Variants in PLA2R1 observed in about 807,000 individuals in gnomAD.
The protein encoded by PLA2R1 is phospholipase A2 receptor 1.
In PLA2R1, 158 loss-of-function variants were observed where a neutral mutation model predicts 195.9. That is an observed-to-expected ratio of 0.81 (90% CI 0.71 to 0.92). The LOEUF (loss-of-function observed/expected upper bound fraction) is 0.92, where lower values mean the gene tolerates loss of function less well. Among genes scored for constraint, PLA2R1 ranks in the 40% least tolerant of loss-of-function variants. The pLI, the probability that PLA2R1 is intolerant of heterozygous loss-of-function variation, is 0.00. For synonymous variants in PLA2R1, 586 were observed against 598.2 expected (o/e 0.98, Z 0.30); for missense variants, 1,626 against 1,764.6 (o/e 0.92, Z 1.41).
chr2:159,976,162 A>C lies in PLA2R1; in HGVS notation c.2501T>G (p.Leu834Trp), dbSNP rs199880926. The C allele has an allele frequency of 2.4e-5, 39 of 1,611,814 alleles. No homozygotes were observed. The highest frequency in any genetic ancestry group is 3.2e-5 in the Non-Finnish European group (38 of 1,178,164). ...YLFHTFASEW[L>W]NFEFVCSWLH... ...CCAGCTACAGACAAACTCAAAGTTC[A>C]ACCATTCTGAGGCAAAGGTATGAAA... The change falls in exon 17 of 30, where the codon TTG (leucine) becomes TGG (tryptophan). Residue 834 changes from leucine (L) to tryptophan (W), a missense_variant. Physicochemically the swap from Leu to Trp is moderately conservative, Grantham distance 61. Transcript: ENST00000283243.
intron 10 of PLA2R1, among the ~76,000 whole-genome samples, chr2:160,007,264 C>A (rs1424160808): frequency 6.6e-6 from 1 of 152,226 alleles, no homozygotes; most frequent in Admixed American, 6.5e-5. Flanking sequence ...TCTATCTCCT[C>A]TGAGGCAGAG....
chr2:160,042,575 C>A (rs1694587239), intron 2 of PLA2R1, among the ~76,000 whole-genome samples: 1 of 152,068 alleles, frequency 6.6e-6, no homozygotes, highest in African/African-American at 2.4e-5. Context: ...GATTCATAGG[C>A]ATTTATTAAT....
At chr2:160,040,501 C>T (rs943646000) in intron 3 of PLA2R1, among the ~76,000 whole-genome samples, 1 of 152,074 alleles carries the variant, frequency 6.6e-6, no homozygotes, top group African/African-American at 2.4e-5. Flanking sequence ...TTATCTGCAC[C>T]GGGGTCACCT....
intron 14 of PLA2R1, among the ~76,000 whole-genome samples, chr2:159,979,267 C>A (rs1006434755): frequency 1.3e-5 from 2 of 152,030 alleles, no homozygotes; most frequent in African/African-American, 2.4e-5. Context: ...GAAAAAAATA[C>A]AATAGTGAGT....
chr2:160,051,757 T>C (rs561704191), intron 1 of PLA2R1, among the ~76,000 whole-genome samples: 1 of 152,340 alleles, frequency 6.6e-6, no homozygotes, highest in South Asian at 2.1e-4. Flanking sequence ...GAATTTCTCA[T>C]GCTTGCAGCA....
In PLA2R1 at chr2:159,935,591, C is replaced by T. The variant is rs567472099; in HGVS notation, c.*6187G>A. ...CTGGAGAGCTCCTTCAGGTTGGTTC[C>T]TGTAGCCTTCAGACATGTGCCATCT... On this transcript the variant is annotated 3_prime_UTR_variant, in exon 30 of 30. Transcript: ENST00000283243. 1 of 152,306 alleles carries T rather than the reference C, an allele frequency of 6.6e-6. No homozygotes were observed. The highest frequency in any genetic ancestry group is 2.1e-4 in the South Asian group (1 of 4,828). 9.4% of individuals were successfully genotyped at this position (152,306 alleles called of 1,614,324 possible).
chr2:160,044,556 G>A (rs898486594), intron 2 of PLA2R1, among the ~76,000 whole-genome samples: 2 of 152,036 alleles, frequency 1.3e-5, no homozygotes, highest in Non-Finnish European at 2.9e-5. Context: ...TTTAAATTCT[G>A]AGAAGTTCTG....
At position 159,947,056 on chromosome 2, in the gene PLA2R1, A is replaced by T. The variant is rs1028881944; in HGVS notation, c.3851-139T>A. 1.7e-4 allele frequency: 103 copies of T among 620,116 alleles called. 3 individuals carry two copies. Among genetic ancestry groups the T allele is most frequent in the South Asian group, 1.4e-3 (62 of 43,604 alleles). The allele number at this position is 620,116 out of a possible 1,614,324, so 38.4% of individuals were successfully genotyped here. A position where few individuals can be genotyped will look rare whatever the true frequency, so the allele number is the denominator to read the frequency against. On this transcript the variant is annotated intron_variant, in intron 26 of 29. Coordinates refer to ENST00000283243, the MANE Select transcript of PLA2R1 (RefSeq NM_007366.5). ...CATTATAAAGAAGAGACTTTAAATT[A>T]AAAAAGTAAAACCACATTTTTTAAA...
rs985985929 is a variant in PLA2R1, at chr2:159,936,445, C to T, written c.*5333G>A. On this transcript the variant is annotated 3_prime_UTR_variant, in exon 30 of 30. Transcript: ENST00000283243. Reference sequence around the variant, plus strand: ...GGATCTGTTAATGAAATGGATATATCATAGATAAAAATTAATTAGTATTAA... The same window carrying T: ...GGATCTGTTAATGAAATGGATATATTATAGATAAAAATTAATTAGTATTAA... 6.6e-6 allele frequency: 1 copy of T among 152,062 alleles called. No individual in the cohort carries two copies. The highest frequency in any genetic ancestry group is 2.4e-5 in the African/African-American group (1 of 41,386). 9.4% of individuals were successfully genotyped at this position (152,062 alleles called of 1,614,324 possible). A position where few individuals can be genotyped will look rare whatever the true frequency, so the allele number is the denominator to read the frequency against.
intron 18 of PLA2R1, among the ~76,000 whole-genome samples, 199 bp from the exon 19 acceptor site, chr2:159,969,558 T>C (rs1239986493): frequency 2.6e-5 from 4 of 152,204 alleles, no homozygotes; most frequent in African/African-American, 9.6e-5. Flanking sequence ...GTAGATTTTT[T>C]TTGAGATGGA....
At chr2:160,043,161 G>A (rs1050161905) in intron 2 of PLA2R1, among the ~76,000 whole-genome samples, 1 of 152,106 alleles carries the variant, frequency 6.6e-6, no homozygotes, top group South Asian at 2.1e-4. Context: ...GCGGGCTTTG[G>A]CCTCTACCCT....
At chr2:159,997,998 C>T (rs1270218050) in intron 11 of PLA2R1, among the ~76,000 whole-genome samples, 6 of 152,062 alleles carry the variant, frequency 3.9e-5, no homozygotes, top group Non-Finnish European at 8.8e-5. Context: ...TTTCTAATAT[C>T]AGGAGGTCTA....
At chr2:160,014,326 A>G (rs1229602350) in intron 9 of PLA2R1, among the ~76,000 whole-genome samples, 1 of 151,490 alleles carries the variant, frequency 6.6e-6, no homozygotes, top group African/African-American at 2.4e-5. Context: ...GACAAAAATG[A>G]CAAACATGTA....
Position 159,998,820 on chromosome 2 carries a change from C to T in PLA2R1, c.1834+6832G>A, listed in dbSNP as rs111340541. On this transcript the variant is annotated intron_variant, in intron 11 of 29. Transcript: ENST00000283243. Reference sequence around the variant, plus strand: ...GACATTTTCAATCCCAGGTGAAAGGCCACTTCCTCTTGAACTTTTATGATA... The same window carrying T: ...GACATTTTCAATCCCAGGTGAAAGGTCACTTCCTCTTGAACTTTTATGATA... 5.7e-3 allele frequency among the ~76,000 whole-genome samples: 865 copies of T among 152,238 alleles called. 6 individuals carry two copies. The highest frequency in any genetic ancestry group is 8.9e-3 in the Non-Finnish European group (607 of 68,002).
intron 11 of PLA2R1, among the ~76,000 whole-genome samples, chr2:159,993,883 T>C (rs73967974): frequency 0.028 from 4,283 of 152,184 alleles, 184 homozygotes; most frequent in African/African-American, 0.092. Flanking sequence ...GCAAAAATAA[T>C]CATTTTGAAA....
At chr2:159,954,300 T>C (rs956593060) in intron 23 of PLA2R1, among the ~76,000 whole-genome samples, 8 of 151,896 alleles carry the variant, frequency 5.3e-5, no homozygotes, top group African/African-American at 1.9e-4. Context: ...ATATTATTTC[T>C]TTCCCTACAA....
downstream of PLA2R1, among the ~76,000 whole-genome samples, chr2:159,930,144 C>T (rs1350006323): frequency 7.2e-5 from 11 of 152,234 alleles, no homozygotes; most frequent in Admixed American, 3.9e-4. Context: ...CGCGGTGGCT[C>T]ACGCCGGTAA....
chr2:160,000,363 G>C (rs185086557), intron 11 of PLA2R1, among the ~76,000 whole-genome samples: 95 of 152,316 alleles, frequency 6.2e-4, no homozygotes, highest in Admixed American at 1.2e-3. Flanking sequence ...TTAGTCGTTA[G>C]TCATCGAATT....
In PLA2R1 at chr2:159,985,692, CTTTA is replaced by C. The variant is rs201967323; in HGVS notation, c.2037+1460_2037+1463del. 9.1e-4 allele frequency among the ~76,000 whole-genome samples: 139 copies of C among 152,280 alleles called. 1 individual carries two copies. The East Asian group carries it at 0.013, about 14-fold the overall frequency. On this transcript the variant is annotated intron_variant, in intron 12 of 29. Transcript: ENST00000283243. ...ATATTGTATCATTCAATAATAAAAA[CTTTA>C]TTTGTTGGTTTACAAACAATATGAA...
Sources: gnomAD v4.1 joint callset for allele counts (sites outside exome capture counted in the v4.1 genomes callset) on GRCh38, gnomAD v4.1.1 for gene constraint, MANE v1.5 for transcripts, NCBI Gene and HGNC (gene_info 2026-07-23, HGNC 2026-07-21) for gene names.